The following GRM8 variants were observed in gnomAD, a reference collection of about 807,000 sequenced individuals.
GRM8 encodes metabotropic glutamate receptor 8.
In GRM8, 47 loss-of-function variants were observed where a neutral mutation model predicts 87.2. That is an observed-to-expected ratio of 0.54 (90% CI 0.43 to 0.69). The LOEUF (loss-of-function observed/expected upper bound fraction) is 0.69, where lower values mean the gene tolerates loss of function less well. GRM8 is among the 30% of genes least tolerant of loss of function. The pLI is 0.00. For missense variants in GRM8, 1,019 were observed against 1,139.2 expected (o/e 0.89, Z 1.52); for synonymous variants, 396 against 404.5 (o/e 0.98, Z 0.25).
intron 8 of GRM8, among the ~76,000 whole-genome samples, chr7:126,553,827 T>C (rs1185181274): frequency 2.6e-5 from 4 of 152,182 alleles, no homozygotes; most frequent in Non-Finnish European, 4.4e-5. Flanking sequence ...AATTCAATGA[T>C]AGCTTATCAA....
Position 127,231,031 on chromosome 7 carries a change from A to G in GRM8, c.510+11664T>C, listed in dbSNP as rs527415975. The stretch of plus-strand genomic sequence containing the variant: ...ACAGGATTTTGGTCATTTCCCCTCA[A>G]CTACAGTACAAGTAACATTGATGGC... On this transcript the variant is annotated intron_variant, in intron 2 of 10. Transcript: ENST00000339582. Among the ~76,000 whole-genome samples the G allele has an allele frequency of 2.6e-5, 4 of 152,286 alleles. No homozygotes were observed. The South Asian group carries it at 8.3e-4, about 32-fold the overall frequency.
intron 6 of GRM8, among the ~76,000 whole-genome samples, chr7:126,778,853 T>C (rs1819755680): frequency 6.6e-6 from 1 of 151,852 alleles, no homozygotes; most frequent in African/African-American, 2.4e-5. Context: ...ATTTTTTAAA[T>C]TACAAAAGTA....
intron 2 of GRM8, among the ~76,000 whole-genome samples, chr7:127,227,668 C>T (rs1797422972): frequency 6.6e-6 from 1 of 152,186 alleles, no homozygotes; most frequent in Non-Finnish European, 1.5e-5. Context: ...ATTCTTCCTT[C>T]CATGGAAAAC....
intron 3 of GRM8, among the ~76,000 whole-genome samples, chr7:126,989,150 G>A (rs1812390729): frequency 6.6e-6 from 1 of 152,068 alleles, no homozygotes; most frequent in Admixed American, 6.6e-5. Context: ...ACCTTCCTAA[G>A]TACAGAGATC....
intron 3 of GRM8, among the ~76,000 whole-genome samples, chr7:127,057,438 GT>G (rs1313229007): frequency 6.6e-6 from 1 of 151,750 alleles, no homozygotes; most frequent in African/African-American, 2.4e-5. Context: ...ACATCATATA[GT>G]TTGTCCATAC....
chr7:127,199,240 C>T (rs1411023569), intron 2 of GRM8, among the ~76,000 whole-genome samples: 1 of 152,208 alleles, frequency 6.6e-6, no homozygotes, highest in Non-Finnish European at 1.5e-5. Context: ...GTGTTACAGG[C>T]ATGGGCCACT....
intron 2 of GRM8, among the ~76,000 whole-genome samples, chr7:127,145,578 C>T (rs1418196533): frequency 6.6e-6 from 1 of 152,062 alleles, no homozygotes; most frequent in East Asian, 1.9e-4. Flanking sequence ...TTGTAATACA[C>T]TAGGGGTAGC....
At chr7:127,191,240 C>T (rs906567205) in intron 2 of GRM8, among the ~76,000 whole-genome samples, 5 of 152,056 alleles carry the variant, frequency 3.3e-5, no homozygotes, top group South Asian at 4.1e-4. Flanking sequence ...TCAGAAGAAG[C>T]GTCACATTGA....
At chr7:126,517,401 T>C (rs1265746166) in intron 9 of GRM8, among the ~76,000 whole-genome samples, 1 of 152,086 alleles carries the variant, frequency 6.6e-6, no homozygotes, top group African/African-American at 2.4e-5. Flanking sequence ...GCATTGTTTT[T>C]ATCCCCATTT....
At chr7:126,670,612 G>T (rs1001187520) in intron 7 of GRM8, among the ~76,000 whole-genome samples, 9 of 152,056 alleles carry the variant, frequency 5.9e-5, no homozygotes, top group Admixed American at 2.0e-4. Context: ...ACTTTAACAG[G>T]TACTTTCAAA....
intron 8 of GRM8, among the ~76,000 whole-genome samples, chr7:126,568,147 T>C (rs1203089761): frequency 6.6e-6 from 1 of 152,058 alleles, no homozygotes; most frequent in Non-Finnish European, 1.5e-5. Context: ...GGCTCAAAGT[T>C]GGAAAGAAAA....
At chr7:126,993,126 T>C (rs892506684) in intron 3 of GRM8, among the ~76,000 whole-genome samples, 1 of 152,168 alleles carries the variant, frequency 6.6e-6, no homozygotes, top group African/African-American at 2.4e-5. Context: ...CAGATTTTTC[T>C]ATAAACTCAG....
intron 7 of GRM8, among the ~76,000 whole-genome samples, chr7:126,697,285 TA>T (rs1809492011): frequency 6.6e-6 from 1 of 151,834 alleles, no homozygotes; most frequent in African/African-American, 2.4e-5. Context: ...TGCAGTTACA[TA>T]AACAACTGAA....
chr7:127,062,393 C>T (rs976957546), intron 3 of GRM8, among the ~76,000 whole-genome samples: 1 of 152,042 alleles, frequency 6.6e-6, no homozygotes, highest in Non-Finnish European at 1.5e-5. Context: ...GTAATAAAAG[C>T]AGCACTGTAG....
chr7:127,180,202 A>C (rs1312014763), intron 2 of GRM8, among the ~76,000 whole-genome samples: 2 of 152,096 alleles, frequency 1.3e-5, no homozygotes, highest in Non-Finnish European at 2.9e-5. Context: ...ACAAAAGATC[A>C]TTCAAGGCTA....
At chr7:127,251,234 T>A (rs1333822488) in intron 1 of GRM8, 3 of 152,182 alleles carry the variant, frequency 2.0e-5, no homozygotes, top group Non-Finnish European at 4.4e-5. Context: ...GGGGAAGTAA[T>A]TCCCCAGGGA....
At chr7:126,842,426 C>T (rs1016147545) in intron 6 of GRM8, among the ~76,000 whole-genome samples, 1 of 152,208 alleles carries the variant, frequency 6.6e-6, no homozygotes, top group African/African-American at 2.4e-5. Flanking sequence ...TACCATTTAA[C>T]TTCTGAAACA....
chr7:126,456,483 A>G (rs1474252700), intron 9 of GRM8, among the ~76,000 whole-genome samples: 7 of 133,150 alleles, frequency 5.3e-5, no homozygotes, highest in African/African-American at 2.0e-4. Context: ...TTCCCTTGAG[A>G]CTTTGCTGAA....
At chr7:126,472,812 C>T (rs959903095) in intron 9 of GRM8, among the ~76,000 whole-genome samples, 6 of 152,296 alleles carry the variant, frequency 3.9e-5, no homozygotes, top group South Asian at 2.1e-4. Context: ...CGTGCAGTCT[C>T]GGGACTTGGT....
Sources: allele counts gnomAD v4.1 joint callset (sites outside exome capture counted in the v4.1 genomes callset), GRCh38; gene constraint gnomAD v4.1.1; transcripts MANE v1.5; gene names NCBI Gene and HGNC (gene_info 2026-07-23, HGNC 2026-07-21).